Variants in SELENOM observed in about 807,000 individuals in gnomAD.
SELENOM encodes selenoprotein M, also known as selenoprotein SelM.
Under a neutral mutation model 14.5 loss-of-function variants are expected in SELENOM, and 17 were observed. The observed-to-expected ratio is 1.17, with a 90% CI of 0.80 to 1.76. The LOEUF (loss-of-function observed/expected upper bound fraction) is 1.76. Among genes scored for constraint, SELENOM ranks in the 40% most tolerant of loss-of-function variants. The probability of loss-of-function intolerance (pLI) is 0.00; values close to 1 mark genes in which losing one functional copy is unlikely to be tolerated. For missense variants in SELENOM, 230 were observed against 204.6 expected, an observed-to-expected ratio of 1.12 and a Z score of -0.76; for synonymous variants, 102 against 93.3, an observed-to-expected ratio of 1.09 and a Z score of -0.54.
Position 31,104,901 on chromosome 22 carries a change from G to C in SELENOM, c.*69C>G, listed in dbSNP as rs2044371923. 2.1e-6 allele frequency: 3 copies of C among 1,443,314 alleles called. No individual in the cohort carries two copies. Among genetic ancestry groups the C allele is most frequent in the Non-Finnish European group, 1.8e-6 (2 of 1,086,606 alleles). The allele number at this position is 1,443,314 out of a possible 1,614,324, so 89.4% of individuals were successfully genotyped here. On this transcript the variant is annotated 3_prime_UTR_variant, in exon 5 of 5. Coordinates refer to ENST00000400299, the MANE Select transcript of SELENOM (RefSeq NM_080430.4). Reference sequence around the variant, plus strand: ...CTCTCAGCAAGAGAAGTATTCCCGGGATGCTGAGCGCTTCATTCTGTCTCC... The same window carrying C: ...CTCTCAGCAAGAGAAGTATTCCCGGCATGCTGAGCGCTTCATTCTGTCTCC...
chr22:31,106,455 C>T, intron 1 of SELENOM: 1 of 174,990 alleles, frequency 5.7e-6, no homozygotes, highest in Admixed American at 5.8e-5. Context: ...CCACCTGCGG[C>T]CCAGCCCCAC....
intron 2 of SELENOM, 46 bp from the exon 3 acceptor site, chr22:31,105,738 G>A (rs1225218965): frequency 1.2e-6 from 2 of 1,607,076 alleles, no homozygotes; most frequent in Non-Finnish European, 1.7e-6. Flanking sequence ...CAGTCTACTC[G>A]AGGTACAGAC....
In SELENOM at chr22:31,105,965, T is replaced by C; in HGVS notation, c.130A>G (p.Thr44Ala). 4 of 1,613,710 alleles carry C rather than the reference T, an allele frequency of 2.5e-6. No homozygotes were observed. The highest frequency in any genetic ancestry group is 3.4e-6 in the Non-Finnish European group (4 of 1,179,656). The change falls in exon 2 of 5, where the codon ACC (threonine) becomes GCC (alanine). Residue 44 changes from threonine (T) to alanine (A), a missense_variant and splice_region_variant. Physicochemically the swap from Thr to Ala is moderately conservative, Grantham distance 58. Transcript: ENST00000400299. ...LSGLTRARVE[T>A]CGGUQLNRLK... ...CGGTTCAGCTGTCATCCCCCGCAGG[T>C]CTGGAGGGGGATAAAATGGGATAGG...
Position 31,105,941 on chromosome 22 carries a change from G to C in SELENOM, c.154C>G (p.Arg52Gly), listed in dbSNP as rs760045678. ...VETCGGUQLNRLKEVKAFVTQ... is the reference protein window; with the variant it reads ...VETCGGUQLNGLKEVKAFVTQ... ...TCCTTCAAACTCACCTCCTTTAGGC[G>C]GTTCAGCTGTCATCCCCCGCAGGTC... Residue 52 changes from arginine (R) to glycine (G), a missense_variant, in exon 2 of 5, where the codon CGC becomes GGC. Physicochemically the swap from Arg to Gly is moderately radical, Grantham distance 125. Coordinates refer to ENST00000400299, the MANE Select transcript of SELENOM (RefSeq NM_080430.4). 2 of 1,614,068 alleles carry C rather than the reference G, an allele frequency of 1.2e-6. No homozygotes were observed. The highest frequency in any genetic ancestry group is 8.5e-7 in the Non-Finnish European group (1 of 1,179,966).
At chr22:31,106,109 C>T (rs1424434283) in intron 1 of SELENOM, 144 bp from the exon 2 acceptor site, 1 of 746,604 alleles carries the variant, frequency 1.3e-6, no homozygotes, top group Non-Finnish European at 2.4e-6. Context: ...GAAGGAAATG[C>T]TGGACCCTTG....
chr22:31,105,734 A>G, intron 2 of SELENOM, 42 bp from the exon 3 acceptor site: 1 of 1,604,160 alleles, frequency 6.2e-7, no homozygotes, highest in East Asian at 2.2e-5. Flanking sequence ...ACCTCAGTCT[A>G]CTCGAGGTAC....
chr22:31,106,006 G>T (rs773854891), intron 1 of SELENOM, 41 bp from the exon 2 acceptor site: 5 of 1,577,046 alleles, frequency 3.2e-6, no homozygotes, highest in Non-Finnish European at 4.4e-6. Flanking sequence ...AGTCCTTCAC[G>T]TTTATTCCAG....
At position 31,104,853 on chromosome 22, in the gene SELENOM, G is replaced by A; in HGVS notation, c.*117C>T. On this transcript the variant is annotated 3_prime_UTR_variant, in exon 5 of 5. Coordinates refer to ENST00000400299, the MANE Select transcript of SELENOM (RefSeq NM_080430.4). ...GGAGAACCTCCCCAACCCCATCCCTGCTGGCCCGGGGACGGGCATCGGCTC... is the reference window on the plus strand; with the variant it reads ...GGAGAACCTCCCCAACCCCATCCCTACTGGCCCGGGGACGGGCATCGGCTC... 1 of 1,202,052 alleles carries A rather than the reference G, an allele frequency of 8.3e-7. No individual in the cohort carries two copies. The highest frequency in any genetic ancestry group is 1.1e-6 in the Non-Finnish European group (1 of 886,414). The allele number at this position is 1,202,052 out of a possible 1,614,324, so 74.5% of individuals were successfully genotyped here.
rs1238288175 is a variant in SELENOM, at chr22:31,107,442, T to C, written c.64A>G (p.Thr22Ala). 2 of 1,572,010 alleles carry C rather than the reference T, an allele frequency of 1.3e-6. No individual in the cohort carries two copies. The highest frequency in any genetic ancestry group is 2.3e-5 in the East Asian group (1 of 42,858). Reference protein sequence around the residue: ...LLLAALVAPATAATAYRPDWN... With the variant: ...LLLAALVAPAAAATAYRPDWN... The stretch of plus-strand genomic sequence containing the variant: ...TCCGGCCGGTAGGCAGTGGCGGCTG[T>C]GGCTGGGGCCACAAGCGCCGCGAGA... Residue 22 changes from threonine (T) to alanine (A), a missense_variant, in exon 1 of 5, where the codon ACA (threonine) becomes GCA (alanine). Physicochemically the swap from Thr to Ala is moderately conservative, Grantham distance 58. Coordinates refer to ENST00000400299, the MANE Select transcript of SELENOM (RefSeq NM_080430.4).
chr22:31,105,909 G>T, intron 2 of SELENOM, 21 bp downstream of exon 2: 1 of 1,612,694 alleles, frequency 6.2e-7, no homozygotes, highest in Non-Finnish European at 8.5e-7. Context: ...CAGAGCTAGG[G>T]ACCTCTTCCT....
rs1350978741 is a variant in SELENOM, at chr22:31,107,385, G to C, written c.121C>G (p.Arg41Gly). 3.8e-6 allele frequency: 6 copies of C among 1,594,534 alleles called. No individual in the cohort carries two copies. Among genetic ancestry groups the C allele is most frequent in the South Asian group, 1.1e-5 (1 of 88,188 alleles). ...GAGGCCGGCGTACTCACCTCTACCCGGGCGCGGGTTAGGCCGCTCAGACGG... is the reference window on the plus strand; with the variant it reads ...GAGGCCGGCGTACTCACCTCTACCCCGGCGCGGGTTAGGCCGCTCAGACGG... Reference protein sequence around the residue: ...WNRLSGLTRARVETCGGUQLN... With the variant: ...WNRLSGLTRAGVETCGGUQLN... Residue 41 changes from arginine to glycine, a missense_variant, in exon 1 of 5, where the codon CGG becomes GGG. Transcript: ENST00000400299.
At position 31,107,463 on chromosome 22, in the gene SELENOM, C is replaced by A. The variant is rs766568820; in HGVS notation, c.43G>T (p.Ala15Ser). The change falls in exon 1 of 5, where the codon GCG becomes TCG. Residue 15 changes from alanine (A) to serine (S), a missense_variant. Coordinates refer to ENST00000400299, the MANE Select transcript of SELENOM (RefSeq NM_080430.4). ...LPPLALLLLL[A>S]ALVAPATAAT... ...GCTGTGGCTGGGGCCACAAGCGCCG[C>A]GAGAAGCAGCAGCAGCGCCAGCGGA... 4 of 1,560,890 alleles carry A rather than the reference C, an allele frequency of 2.6e-6. No individual in the cohort carries two copies. The highest frequency in any genetic ancestry group is 2.6e-6 in the Non-Finnish European group (3 of 1,155,316).
At chr22:31,105,874 C>T in intron 2 of SELENOM, 56 bp downstream of exon 2, 1 of 1,568,166 alleles carries the variant, frequency 6.4e-7, no homozygotes, top group Admixed American at 1.7e-5. Context: ...CCATGTTGCC[C>T]ACTCCCCAAG....
At chr22:31,107,314 T>C in intron 1 of SELENOM, 63 bp downstream of exon 1, 1 of 1,526,862 alleles carries the variant, frequency 6.5e-7, no homozygotes, top group Non-Finnish European at 8.8e-7. Flanking sequence ...GGACGGACGG[T>C]GCTCCCATGG....
rs2044390073 is a variant in SELENOM at position 31,105,295 on chromosome 22, G to T, written c.201-9C>A. The T allele has an allele frequency of 1.9e-6, 3 of 1,607,886 alleles. No individual in the cohort carries two copies. Among genetic ancestry groups the T allele is most frequent in the African/African-American group, 2.7e-5 (2 of 74,784 alleles). On this transcript the variant is annotated splice_polypyrimidine_tract_variant and intron_variant, in intron 3 of 4. Transcript: ENST00000400299. ...TCATCACCAGGTTGTGACTGGAGGT[G>T]GTGTTAAGGAGCGGGGTGGTGGGCA...
chr22:31,107,270 G>T, intron 1 of SELENOM, 107 bp downstream of exon 1: 1 of 1,352,690 alleles, frequency 7.4e-7, no homozygotes, highest in Non-Finnish European at 9.9e-7. Context: ...GGGGAAAGCA[G>T]GGAGACTCGC....
At chr22:31,106,331 A>C in intron 1 of SELENOM, 1 of 307,306 alleles carries the variant, frequency 3.3e-6, no homozygotes, top group Non-Finnish European at 6.3e-6. Flanking sequence ...GATCCCTGAA[A>C]TCTCACAGTG....
intron 3 of SELENOM, 55 bp downstream of exon 3, chr22:31,105,603 T>G: frequency 1.9e-6 from 3 of 1,560,854 alleles, no homozygotes; most frequent in Non-Finnish European, 2.7e-6. Context: ...TGAAGTTACG[T>G]GGAGATTCTC....
rs750748328 is a variant in SELENOM, at chr22:31,105,279, G to A, written c.208C>T (p.Leu70=). ...GCCCCAGGGAGGTGTTTCATCACCA[G>A]GTTGTGACTGGAGGTGGTGTTAAGG... ...VTQDIPFYHN[L]VMKHLPGADP... Residue 70 remains leucine, a synonymous_variant, in exon 4 of 5, where the codon CTG becomes TTG. Transcript: ENST00000400299. The A allele has an allele frequency of 3.8e-5, 62 of 1,611,232 alleles. No homozygotes were observed. Among genetic ancestry groups the A allele is most frequent in the South Asian group, 2.9e-4 (26 of 90,654 alleles).
Sources: allele counts gnomAD v4.1 joint callset, GRCh38; gene constraint gnomAD v4.1.1; transcripts MANE v1.5; gene names NCBI Gene and HGNC (gene_info 2026-07-23, HGNC 2026-07-21).